Variants in GRIN3A observed in about 807,000 individuals in gnomAD.
The protein encoded by GRIN3A is glutamate ionotropic receptor NMDA type subunit 3A, also known as glutamate receptor ionotropic, NMDA 3A.
Under a neutral mutation model 92.4 loss-of-function variants are expected in GRIN3A, and 47 were observed. The ratio of observed to expected loss-of-function variants is 0.51; its 90% CI spans 0.40 to 0.65. GRIN3A has a LOEUF of 0.65. Ranked by LOEUF, GRIN3A falls within the 30% of genes least tolerant of loss-of-function variation. The pLI, the probability that GRIN3A is intolerant of heterozygous loss-of-function variation, is 0.00. For missense variants in GRIN3A, 1,324 were observed against 1,393.1 expected, an observed-to-expected ratio of 0.95 and a Z score of 0.79; for synonymous variants, 527 against 540.6, an observed-to-expected ratio of 0.97 and a Z score of 0.35.
At chr9:101,689,739 CACAT>C (rs1484893255) in intron 1 of GRIN3A, among the ~76,000 whole-genome samples, 17 of 136,508 alleles carry the variant, frequency 1.2e-4, no homozygotes, top group African/African-American at 3.7e-4. Context: ...TGCACACACA[CACAT>C]ACACACACAC....
chr9:101,660,094 A>G lies in GRIN3A; in HGVS notation c.2352+9966T>C, dbSNP rs117678925. On this transcript the variant is annotated intron_variant, in intron 3 of 8. Coordinates refer to ENST00000361820, the MANE Select transcript of GRIN3A (RefSeq NM_133445.3). ...TGTGTGTCTGATCCATATAAGACCC[A>G]CTGAATGATTCTAATCCAACTCCAT... Among the ~76,000 whole-genome samples the G allele has an allele frequency of 2.5e-3, 374 of 151,810 alleles. 1 individual carries two copies. The highest frequency in any genetic ancestry group is 4.2e-3 in the Non-Finnish European group (283 of 67,840).
At chr9:101,624,814 T>A (rs573073652) in intron 4 of GRIN3A, among the ~76,000 whole-genome samples, 52 of 152,284 alleles carry the variant, frequency 3.4e-4, no homozygotes, top group African/African-American at 1.2e-3. Flanking sequence ...ACTTCCACAA[T>A]GGTTGGACTA....
At chr9:101,687,726 T>G (rs533803918) in intron 1 of GRIN3A, among the ~76,000 whole-genome samples, 1 of 152,318 alleles carries the variant, frequency 6.6e-6, no homozygotes, top group South Asian at 2.1e-4. Context: ...GGAAGACACT[T>G]CTAATAAGTA....
chr9:101,709,424 G>A (rs1200092368), intron 1 of GRIN3A, among the ~76,000 whole-genome samples: 1 of 152,166 alleles, frequency 6.6e-6, no homozygotes, highest in Non-Finnish European at 1.5e-5. Flanking sequence ...ACTTGGTTTT[G>A]TGGAGGCAGC....
chr9:101,646,882 C>T (rs1828944739), intron 3 of GRIN3A, among the ~76,000 whole-genome samples: 1 of 151,600 alleles, frequency 6.6e-6, no homozygotes, highest in Non-Finnish European at 1.5e-5. Flanking sequence ...TTTATTAGCT[C>T]TAATAGTTTT....
intron 3 of GRIN3A, among the ~76,000 whole-genome samples, chr9:101,669,175 C>T (rs1588274695): frequency 6.6e-6 from 1 of 152,056 alleles, no homozygotes; most frequent in Non-Finnish European, 1.5e-5. Context: ...GCAGTACTCC[C>T]CTGAGCTCTG....
chr9:101,628,451 G>T, intron 3 of GRIN3A, 50 bp from the exon 4 acceptor site: 1 of 1,552,486 alleles, frequency 6.4e-7, no homozygotes, highest in Non-Finnish European at 8.8e-7. Context: ...TCTTAGAAGT[G>T]TTTTTTAACA....
At chr9:101,656,393 T>C (rs1231212570) in intron 3 of GRIN3A, among the ~76,000 whole-genome samples, 1 of 151,826 alleles carries the variant, frequency 6.6e-6, no homozygotes, top group Non-Finnish European at 1.5e-5. Flanking sequence ...AGGATGACAG[T>C]ATGGAAGTCA....
At chr9:101,726,009 A>G (rs1217808556) in intron 1 of GRIN3A, among the ~76,000 whole-genome samples, 1 of 152,130 alleles carries the variant, frequency 6.6e-6, no homozygotes, top group Non-Finnish European at 1.5e-5. Flanking sequence ...CTTATTTTCT[A>G]TCTTCCCTGC....
rs1380656482 is a variant in GRIN3A, at chr9:101,738,040, C to A, written c.-61G>T. On this transcript the variant is annotated 5_prime_UTR_variant, in exon 1 of 9. Transcript: ENST00000361820. ...TGCGCCCGGCTCGCCCCTCTGCAGCCGCTGCCTGAGGTCTCCGCCTCCAGG... is the reference window on the plus strand; with the variant it reads ...TGCGCCCGGCTCGCCCCTCTGCAGCAGCTGCCTGAGGTCTCCGCCTCCAGG... 8 of 1,430,104 alleles carry A rather than the reference C, an allele frequency of 5.6e-6. No homozygotes were observed. The African/African-American group carries it at 7.0e-5, about 13-fold the overall frequency. The allele number at this position is 1,430,104 out of a possible 1,614,324, so 88.6% of individuals were successfully genotyped here.
rs186299526 is a variant in GRIN3A, at chr9:101,722,783, C to T, written c.699+14498G>A. Among the ~76,000 whole-genome samples, 366 of 152,258 alleles carry T rather than the reference C, an allele frequency of 2.4e-3. 1 individual carries two copies. The highest frequency in any genetic ancestry group is 8.0e-3 in the African/African-American group (333 of 41,548). On this transcript the variant is annotated intron_variant, in intron 1 of 8. Coordinates refer to ENST00000361820, the MANE Select transcript of GRIN3A (RefSeq NM_133445.3). ...GGCTGTATTTACCCATACCTATATC[C>T]CCATGGTATCTAGGAAGTAACTAGC...
chr9:101,622,995 AAC>A lies in GRIN3A; in HGVS notation c.2614+321_2614+322del, dbSNP rs5899450. Among the ~76,000 whole-genome samples, 250 of 147,424 alleles carry A rather than the reference AAC, an allele frequency of 1.7e-3. 1 individual carries two copies. Among genetic ancestry groups the A allele is most frequent in the Non-Finnish European group, 1.6e-3 (105 of 66,996 alleles). On this transcript the variant is annotated intron_variant, in intron 5 of 8. Coordinates refer to ENST00000361820, the MANE Select transcript of GRIN3A (RefSeq NM_133445.3). Reference sequence around the variant, plus strand: ...AGCACATAGCAACACCCTGCCACTAAACACACACACACACACACACACACACA... The same window carrying A: ...AGCACATAGCAACACCCTGCCACTAAACACACACACACACACACACACACA...
intron 3 of GRIN3A, among the ~76,000 whole-genome samples, chr9:101,665,098 A>G (rs930839587): frequency 6.6e-6 from 1 of 151,994 alleles, no homozygotes. Context: ...AACTATTTAC[A>G]CACAAGTAAG....
At chr9:101,675,144 G>A (rs941033049) in intron 2 of GRIN3A, among the ~76,000 whole-genome samples, 1 of 151,938 alleles carries the variant, frequency 6.6e-6, no homozygotes, top group South Asian at 2.1e-4. Context: ...TTTAGTGAGT[G>A]TTTAACAAAG....
In GRIN3A at chr9:101,623,388, A is replaced by G. The variant is rs777001131; in HGVS notation, c.2544T>C (p.Leu848=). The G allele has an allele frequency of 6.2e-7, 1 of 1,613,910 alleles. No homozygotes were observed. Among genetic ancestry groups the G allele is most frequent in the South Asian group, 1.1e-5 (1 of 91,084 alleles). The part of the protein sequence containing the change: ...KLDAFIMDKA[L]LDYEVSIDAD... Reference sequence around the variant, plus strand: ...CATCTATTGACACTTCATAATCCAGAAGGGCTTTGTCCATGATGAAGGCGT... The same window carrying G: ...CATCTATTGACACTTCATAATCCAGGAGGGCTTTGTCCATGATGAAGGCGT... Residue 848 remains leucine (L), a synonymous_variant, in exon 5 of 9, where the codon CTT becomes CTC. Transcript: ENST00000361820.
chr9:101,738,143 G>A lies in GRIN3A; in HGVS notation c.-164C>T. 1.4e-6 allele frequency: 1 copy of A among 699,574 alleles called. No individual in the cohort carries two copies. The allele number at this position is 699,574 out of a possible 1,614,324, so 43.3% of individuals were successfully genotyped here. On this transcript the variant is annotated 5_prime_UTR_variant, in exon 1 of 9. The change creates a new upstream start codon in the 5' untranslated region. Coordinates refer to ENST00000361820, the MANE Select transcript of GRIN3A (RefSeq NM_133445.3). ...GTCTCTAGGCCATGCAAGTTGGAGC[G>A]TAGCGCGCCTCCGGCAGTCTCAGAT...
At chr9:101,586,133 A>G (rs1288132181) in intron 6 of GRIN3A, among the ~76,000 whole-genome samples, 1 of 152,138 alleles carries the variant, frequency 6.6e-6, no homozygotes, top group Non-Finnish European at 1.5e-5. Flanking sequence ...GTTTACCCTA[A>G]TCACTGTGCT....
chr9:101,692,602 T>A, intron 1 of GRIN3A, among the ~76,000 whole-genome samples: 1 of 152,170 alleles, frequency 6.6e-6, no homozygotes, highest in East Asian at 1.9e-4. Flanking sequence ...AAAGCTCAAG[T>A]GAACATAATG....
intron 6 of GRIN3A, among the ~76,000 whole-genome samples, chr9:101,609,304 T>G (rs1828327393): frequency 6.6e-6 from 1 of 152,198 alleles, no homozygotes; most frequent in African/African-American, 2.4e-5. Flanking sequence ...GAAAGACACC[T>G]GAAGATATCC....
Sources: allele counts gnomAD v4.1 joint callset (sites outside exome capture counted in the v4.1 genomes callset), GRCh38; gene constraint gnomAD v4.1.1; transcripts MANE v1.5; gene names NCBI Gene and HGNC (gene_info 2026-07-23, HGNC 2026-07-21).